The following ELOC variants were observed in gnomAD, a reference collection of about 807,000 sequenced individuals.
The protein encoded by ELOC is elongin-C.
For missense variants in ELOC, 38 were observed against 139.0 expected (o/e 0.27, Z 3.65); for synonymous variants, 40 against 51.3 (o/e 0.78, Z 0.94).
At chr8:73,958,937 G>A (rs75766655) in intron 2 of ELOC, among the ~76,000 whole-genome samples, 3,818 of 152,260 alleles carry the variant, frequency 0.025, 52 homozygotes, top group South Asian at 0.066. Flanking sequence ...GCTATATGGT[G>A]TAACCTACTG....
rs114272337 is a variant in ELOC at position 73,966,912 on chromosome 8, C to A, written c.-51+5165G>T. ...TCATTTCTGAAGACTTGATTTCAGC[C>A]CTCCATATAATGTAGTGCTTAAAAT... On this transcript the variant is annotated intron_variant, in intron 1 of 3. Transcript: ENST00000520242. 5.9e-3 allele frequency among the ~76,000 whole-genome samples: 901 copies of A among 152,202 alleles called. 12 individuals are homozygous for A. Among genetic ancestry groups the A allele is most frequent in the African/African-American group, 0.021 (856 of 41,490 alleles).
chr8:73,962,686 T>C (rs1185652580), intron 1 of ELOC, among the ~76,000 whole-genome samples: 1 of 152,206 alleles, frequency 6.6e-6, no homozygotes, highest in Non-Finnish European at 1.5e-5. Flanking sequence ...TTTATCTAAC[T>C]AGCAGTAGCT....
chr8:73,965,036 C>CAAAAAAA (rs61081733), intron 1 of ELOC, among the ~76,000 whole-genome samples: 2 of 81,412 alleles, frequency 2.5e-5, no homozygotes, highest in South Asian at 4.5e-4. Context: ...AAAAACAAAC[C>CAAAAAAA]AAAAAAAAAA....
At chr8:73,971,750 C>G (rs1020990212) in intron 1 of ELOC, 1 of 152,110 alleles carries the variant, frequency 6.6e-6, no homozygotes, top group African/African-American at 2.4e-5. Context: ...ACACGAGGAA[C>G]AAGCAGAAAG....
chr8:73,971,032 C>CAAAAAAAAAAAAAAAAAAAAAAAAAAA (rs67188912), intron 1 of ELOC, among the ~76,000 whole-genome samples: 2 of 62,034 alleles, frequency 3.2e-5, no homozygotes, highest in East Asian at 3.9e-4. Flanking sequence ...GACTCCGTCT[C>CAAAAAAAAAAAAAAAAAAAAAAAAAAA]AAAAAAAAAA....
rs528913145 is a variant in ELOC at position 73,954,008 on chromosome 8, CA to C, written c.148+1902del. On this transcript the variant is annotated intron_variant, in intron 3 of 3. Coordinates refer to ENST00000520242, the MANE Select transcript of ELOC (RefSeq NM_005648.4). Reference sequence around the variant, plus strand: ...CTGGCTGAATGAAATATTATTCAGCCATAAAAAAGAATGAAGTGCTGTACAT... The same window carrying C: ...CTGGCTGAATGAAATATTATTCAGCCTAAAAAAGAATGAAGTGCTGTACAT... Among the ~76,000 whole-genome samples, 3 of 152,110 alleles carry C rather than the reference CA, an allele frequency of 2.0e-5. No homozygotes were observed. In the South Asian group the frequency reaches 6.2e-4, roughly 32 times the overall value.
intron 2 of ELOC, among the ~76,000 whole-genome samples, chr8:73,957,734 A>G (rs1176521721): frequency 6.6e-6 from 1 of 152,168 alleles, no homozygotes; most frequent in Non-Finnish European, 1.5e-5. Context: ...ATGCATTATG[A>G]TCATTTAAAA....
At chr8:73,970,313 A>C (rs1022830454) in intron 1 of ELOC, among the ~76,000 whole-genome samples, 14 of 152,070 alleles carry the variant, frequency 9.2e-5, no homozygotes, top group African/African-American at 3.4e-4. Flanking sequence ...AAAATCTACC[A>C]AAAAAACCAA....
intron 1 of ELOC, among the ~76,000 whole-genome samples, chr8:73,966,960 C>T (rs1815020059): frequency 6.6e-6 from 1 of 152,178 alleles, no homozygotes; most frequent in Admixed American, 6.5e-5. Flanking sequence ...AGCTATGTCA[C>T]TGCGGGAGAA....
intron 3 of ELOC, among the ~76,000 whole-genome samples, chr8:73,951,097 C>T (rs1477479180): frequency 1.3e-5 from 2 of 151,590 alleles, no homozygotes; most frequent in African/African-American, 4.9e-5. Flanking sequence ...ACAGTGAAAC[C>T]CCATCTCTAC....
At chr8:73,956,967 C>T (rs1333329089) in intron 2 of ELOC, among the ~76,000 whole-genome samples, 4 of 151,942 alleles carry the variant, frequency 2.6e-5, no homozygotes, top group South Asian at 2.1e-4. Flanking sequence ...CAGTGGAGAT[C>T]GAGACCATCC....
At chr8:73,948,908 C>T (rs1207605142) in intron 3 of ELOC, among the ~76,000 whole-genome samples, 1 of 152,024 alleles carries the variant, frequency 6.6e-6, no homozygotes, top group African/African-American at 2.4e-5. Flanking sequence ...AAAGGAATTC[C>T]ATTGTTTCCT....
intron 3 of ELOC, among the ~76,000 whole-genome samples, chr8:73,951,850 A>G (rs1249681194): frequency 6.6e-6 from 1 of 152,214 alleles, no homozygotes; most frequent in Non-Finnish European, 1.5e-5. Context: ...ATATAGATCA[A>G]TGGAATAGAA....
intron 1 of ELOC, among the ~76,000 whole-genome samples, chr8:73,963,747 A>C (rs1469387698): frequency 6.6e-6 from 1 of 152,144 alleles, no homozygotes; most frequent in African/African-American, 2.4e-5. Flanking sequence ...AAATCCATGA[A>C]CTCTGGAAAA....
At chr8:73,950,488 T>A (rs537162463) in intron 3 of ELOC, among the ~76,000 whole-genome samples, 32 of 152,140 alleles carry the variant, frequency 2.1e-4, no homozygotes, top group Non-Finnish European at 3.2e-4. Context: ...CCAAATAATA[T>A]CTTATAGGAA....
chr8:73,949,852 CCTG>C (rs1428805444), intron 3 of ELOC, among the ~76,000 whole-genome samples: 1 of 152,106 alleles, frequency 6.6e-6, no homozygotes, highest in Non-Finnish European at 1.5e-5. Flanking sequence ...TTGTTTCTAG[CCTG>C]CTGTTATAAA....
chr8:73,947,443 A>G (rs995866105), intron 3 of ELOC, among the ~76,000 whole-genome samples: 1 of 152,202 alleles, frequency 6.6e-6, no homozygotes, highest in African/African-American at 2.4e-5. Context: ...GTGAGAAAAT[A>G]AAGTTCTGTT....
intron 1 of ELOC, among the ~76,000 whole-genome samples, chr8:73,963,971 T>C (rs576286329): frequency 3.2e-4 from 49 of 151,236 alleles, no homozygotes; most frequent in African/African-American, 1.1e-3. Flanking sequence ...TGGGTGCCTG[T>C]AATCCCAGCT....
intron 1 of ELOC, chr8:73,970,473 T>A (rs751816509): frequency 1.3e-5 from 2 of 152,124 alleles, no homozygotes; most frequent in Non-Finnish European, 2.9e-5. Flanking sequence ...TGAATGGTAG[T>A]TATCAAATTT....
Sources: gnomAD v4.1 joint callset for allele counts (sites outside exome capture counted in the v4.1 genomes callset) on GRCh38, gnomAD v4.1.1 for gene constraint, MANE v1.5 for transcripts, NCBI Gene and HGNC (gene_info 2026-07-23, HGNC 2026-07-21) for gene names.